The following EYS variants were observed in gnomAD, a reference collection of about 807,000 sequenced individuals.
EYS encodes the protein EGF-like photoreceptor maintenance factor.
A neutral mutation model predicts 282.1 loss-of-function variants in EYS; 250 were observed. The ratio of observed to expected loss-of-function variants is 0.89; its 90% CI spans 0.80 to 0.98. The LOEUF (loss-of-function observed/expected upper bound fraction) is 0.98, where lower values mean the gene tolerates loss of function less well. EYS is among the 50% of genes least tolerant of loss of function. The pLI is 0.00. For synonymous variants in EYS, 1,355 were observed against 1,282.9 expected, an observed-to-expected ratio of 1.06 and a Z score of -1.20; for missense variants, 4,016 against 3,709.0, an observed-to-expected ratio of 1.08 and a Z score of -2.15.
intron 31 of EYS, among the ~76,000 whole-genome samples, chr6:64,085,091 C>A (rs1772098014): frequency 1.3e-5 from 2 of 151,980 alleles, no homozygotes; most frequent in Non-Finnish European, 2.9e-5. Flanking sequence ...CTCACTGTAA[C>A]CCCCGCCTCC....
intron 16 of EYS, among the ~76,000 whole-genome samples, chr6:64,907,308 C>T (rs941521921): frequency 2.6e-5 from 4 of 152,040 alleles, no homozygotes; most frequent in East Asian, 1.9e-4. Context: ...CCTTAGTCTC[C>T]CAAAGTGCTG....
At chr6:64,706,082 C>G (rs1363172230) in intron 22 of EYS, among the ~76,000 whole-genome samples, 2 of 150,390 alleles carry the variant, frequency 1.3e-5, no homozygotes, top group Non-Finnish European at 3.0e-5. Context: ...ACTAAAAGGC[C>G]ATAGTCACCA....
At chr6:65,148,052 T>C (rs1336086418) in intron 12 of EYS, among the ~76,000 whole-genome samples, 1 of 152,038 alleles carries the variant, frequency 6.6e-6, no homozygotes, top group Non-Finnish European at 1.5e-5. Flanking sequence ...CAATTCAAGA[T>C]GAGATTCGGG....
intron 14 of EYS, among the ~76,000 whole-genome samples, chr6:64,957,497 G>A (rs1218113134): frequency 2.0e-5 from 3 of 152,042 alleles, no homozygotes; most frequent in East Asian, 1.9e-4. Context: ...TAGGGAGAAC[G>A]AATAAGATCT....
intron 1 of EYS, among the ~76,000 whole-genome samples, chr6:65,652,319 T>C (rs1394963383): frequency 8.6e-5 from 13 of 152,044 alleles, no homozygotes; most frequent in Admixed American, 8.5e-4. Context: ...GTAGTTGACT[T>C]TGAAAATTGT....
chr6:63,964,652 GCT>G (rs927956295), intron 35 of EYS, among the ~76,000 whole-genome samples: 1 of 152,168 alleles, frequency 6.6e-6, no homozygotes, highest in African/African-American at 2.4e-5. Context: ...TTATAATTTA[GCT>G]CTGAGTCTTG....
At chr6:64,390,065 C>T (rs146481334) in intron 28 of EYS, among the ~76,000 whole-genome samples, 5,695 of 151,820 alleles carry the variant, frequency 0.038, 142 homozygotes, top group Non-Finnish European at 0.055. Flanking sequence ...GCTTTTCCAA[C>T]GGGCTTAAAA....
At chr6:64,355,088 C>T (rs946545978) in intron 29 of EYS, among the ~76,000 whole-genome samples, 2 of 151,610 alleles carry the variant, frequency 1.3e-5, no homozygotes, top group Non-Finnish European at 3.0e-5. Flanking sequence ...AGTAAAAATA[C>T]TCATGAAATA....
At chr6:64,307,523 C>T (rs371407003) in intron 29 of EYS, among the ~76,000 whole-genome samples, 2 of 151,982 alleles carry the variant, frequency 1.3e-5, no homozygotes, top group Non-Finnish European at 2.9e-5. Flanking sequence ...GACACCAAAT[C>T]TGTGGTTATA....
At chr6:65,191,057 G>T (rs1014275773) in intron 12 of EYS, among the ~76,000 whole-genome samples, 1 of 151,748 alleles carries the variant, frequency 6.6e-6, no homozygotes, top group Non-Finnish European at 1.5e-5. Context: ...TCATGAATGT[G>T]AAATGCTATA....
chr6:65,605,492 AAT>A (rs1465531854), intron 2 of EYS, among the ~76,000 whole-genome samples: 11 of 151,918 alleles, frequency 7.2e-5, no homozygotes, highest in Non-Finnish European at 1.5e-4. Flanking sequence ...ACTCCTTTTG[AAT>A]ATATGTCTAA....
At chr6:64,122,553 C>A (rs116831447) in intron 31 of EYS, among the ~76,000 whole-genome samples, 3,471 of 152,186 alleles carry the variant, frequency 0.023, 114 homozygotes, top group African/African-American at 0.071. Context: ...TTTTTATCCC[C>A]TTGTCTCCAT....
intron 2 of EYS, among the ~76,000 whole-genome samples, chr6:65,515,268 A>G (rs1377411387): frequency 2.6e-5 from 4 of 151,692 alleles, no homozygotes; most frequent in African/African-American, 4.8e-5. Flanking sequence ...TTAGAATGGC[A>G]ATCATTAAAA....
At chr6:64,057,811 C>G (rs1012708193) in intron 33 of EYS, among the ~76,000 whole-genome samples, 2 of 151,964 alleles carry the variant, frequency 1.3e-5, no homozygotes, top group African/African-American at 4.8e-5. Context: ...TATTTAAGTT[C>G]AAAGACAGCT....
intron 15 of EYS, among the ~76,000 whole-genome samples, chr6:64,918,221 A>C (rs947874362): frequency 1.3e-5 from 2 of 152,164 alleles, no homozygotes; most frequent in Non-Finnish European, 2.9e-5. Flanking sequence ...ATTTGTAAAC[A>C]TTAAAAATAG....
intron 5 of EYS, among the ~76,000 whole-genome samples, chr6:65,442,608 G>T (rs1388039469): frequency 1.3e-5 from 2 of 151,778 alleles, no homozygotes; most frequent in Admixed American, 1.3e-4. Flanking sequence ...AAAAAAATTA[G>T]CAGGGCTTAG....
At chr6:63,863,675 C>CTTTTCTTTTCTTTTCTTTTCT (rs1772597256) in intron 36 of EYS, among the ~76,000 whole-genome samples, 10 of 60,036 alleles carry the variant, frequency 1.7e-4, no homozygotes, top group East Asian at 6.2e-4. Context: ...TTTCTTTTTT[C>CTTTTCTTTTCTTTTCTTTTCT]TTTTTTTTTT....
chr6:64,423,400 T>C (rs1210922975), intron 28 of EYS, among the ~76,000 whole-genome samples: 1 of 152,230 alleles, frequency 6.6e-6, no homozygotes, highest in Non-Finnish European at 1.5e-5. Flanking sequence ...ACTATAAGTT[T>C]AGTATATTCA....
In EYS at chr6:64,493,962, G is replaced by T. The variant is rs575762340; in HGVS notation, c.5645-54610C>A. Among the ~76,000 whole-genome samples the T allele has an allele frequency of 6.8e-4, 103 of 151,692 alleles. No homozygotes were observed. In the South Asian group the frequency reaches 0.021, roughly 31 times the overall value. Reference sequence around the variant, plus strand: ...ATACAGGAACTCCAATTGTCAAAGGGACTAAGGGGTCCTGAAGGAAGGTAT... The same window carrying T: ...ATACAGGAACTCCAATTGTCAAAGGTACTAAGGGGTCCTGAAGGAAGGTAT... On this transcript the variant is annotated intron_variant, in intron 26 of 42. Coordinates refer to ENST00000503581, the MANE Select transcript of EYS (RefSeq NM_001142800.2).
Sources: gnomAD v4.1 joint callset for allele counts (sites outside exome capture counted in the v4.1 genomes callset) on GRCh38, gnomAD v4.1.1 for gene constraint, MANE v1.5 for transcripts, NCBI Gene and HGNC (gene_info 2026-07-23, HGNC 2026-07-21) for gene names.